Variants in HEY2 observed in about 807,000 individuals in gnomAD.
The protein encoded by HEY2 is hes related family bHLH transcription factor with YRPW motif 2, also known as hairy/enhancer-of-split related with YRPW motif protein 2.
Under a neutral mutation model 18.1 loss-of-function variants are expected in HEY2, and 10 were observed. The ratio of observed to expected loss-of-function variants is 0.55; its 90% CI spans 0.34 to 0.94. The LOEUF is 0.94. Ranked by LOEUF, HEY2 falls within the 40% of genes least tolerant of loss-of-function variation. The pLI is 0.02. For missense variants in HEY2, 455 were observed against 455.9 expected, an observed-to-expected ratio of 1.00 and a Z score of 0.02; for synonymous variants, 210 against 182.7, an observed-to-expected ratio of 1.15 and a Z score of -1.21.
At chr6:125,754,205 A>T (rs1433858954) in intron 3 of HEY2, among the ~76,000 whole-genome samples, 2 of 152,246 alleles carry the variant, frequency 1.3e-5, no homozygotes, top group African/African-American at 4.8e-5. Context: ...GAGAATAATT[A>T]TTCTTATGAT....
chr6:125,755,211 T>TA (rs1228006490), intron 4 of HEY2, among the ~76,000 whole-genome samples: 1 of 152,126 alleles, frequency 6.6e-6, no homozygotes, highest in Non-Finnish European at 1.5e-5. Flanking sequence ...GTGTCCTCTG[T>TA]ACTGGATAGT....
intron 4 of HEY2, among the ~76,000 whole-genome samples, chr6:125,756,292 G>A (rs1466543499): frequency 1.3e-5 from 2 of 152,212 alleles, no homozygotes; most frequent in African/African-American, 2.4e-5. Context: ...TGGCGGCTGG[G>A]TGTGGTGGCT....
At chr6:125,754,431 A>G in intron 3 of HEY2, 34 bp from the exon 4 acceptor site, 1 of 1,291,960 alleles carries the variant, frequency 7.7e-7, no homozygotes, top group South Asian at 1.4e-5. Context: ...TCTGTAGGAC[A>G]TAGGATTATT....
rs1773765907 is a variant in HEY2, at chr6:125,760,078, A to AC, written c.*278dup. On this transcript the variant is annotated 3_prime_UTR_variant, in exon 5 of 5. Transcript: ENST00000368364. ...TAGAAGTTTCCTGGAAAATATATGG[A>AC]CCGTACCATCCAGCAGTGCATCAGT... 1 of 472,788 alleles carries AC rather than the reference A, an allele frequency of 2.1e-6. No homozygotes were observed. Among genetic ancestry groups the AC allele is most frequent in the African/African-American group, 2.0e-5 (1 of 50,760 alleles). 29.3% of individuals were successfully genotyped at this position (472,788 alleles called of 1,614,324 possible).
chr6:125,754,453 T>G lies in HEY2; in HGVS notation c.247-12T>G, dbSNP rs1284301186. Reference sequence around the variant, plus strand: ...GACATAGGATTATTTATTTATTTATTTATTTATGAAGGGATCTGCAAAGTT... The same window carrying G: ...GACATAGGATTATTTATTTATTTATGTATTTATGAAGGGATCTGCAAAGTT... On this transcript the variant is annotated splice_polypyrimidine_tract_variant and intron_variant, in intron 3 of 4. Transcript: ENST00000368364. 1.4e-6 allele frequency: 2 copies of G among 1,441,596 alleles called. No homozygotes were observed. Among genetic ancestry groups the G allele is most frequent in the Non-Finnish European group, 1.9e-6 (2 of 1,047,698 alleles). The allele number at this position is 1,441,596 out of a possible 1,614,324, so 89.3% of individuals were successfully genotyped here. A position where few individuals can be genotyped will look rare whatever the true frequency, so the allele number is the denominator to read the frequency against.
In HEY2 at chr6:125,759,587, G is replaced by T. The variant is rs1238653841; in HGVS notation, c.799G>T (p.Ala267Ser). The T allele has an allele frequency of 6.2e-7, 1 of 1,610,036 alleles. No homozygotes were observed. The highest frequency in any genetic ancestry group is 8.5e-7 in the Non-Finnish European group (1 of 1,179,724). Residue 267 changes from alanine to serine, a missense_variant, in exon 5 of 5, where the codon GCA (alanine) becomes TCA (serine). By Grantham distance (99) the Ala-to-Ser change is moderately conservative (BLOSUM62 1). Coordinates refer to ENST00000368364, the MANE Select transcript of HEY2 (RefSeq NM_012259.3). ...LLSLSATVHA[A>S]AAAATAAAHS... ...GTCCCTCTCTGCCACCGTCCACGCC[G>T]CAGCCGCAGCAGCCACCGCGGCTGC... is the stretch of plus-strand genomic sequence containing the variant.
rs1031335142 is a variant in HEY2 at position 125,760,080 on chromosome 6, C to T, written c.*278C>T. On this transcript the variant is annotated 3_prime_UTR_variant, in exon 5 of 5. Coordinates refer to ENST00000368364, the MANE Select transcript of HEY2 (RefSeq NM_012259.3). ...GAAGTTTCCTGGAAAATATATGGAC[C>T]GTACCATCCAGCAGTGCATCAGTAT... The T allele has an allele frequency of 1.3e-5, 6 of 462,124 alleles. No individual in the cohort carries two copies. In the East Asian group the frequency reaches 2.1e-4, roughly 16 times the overall value. The allele number at this position is 462,124 out of a possible 1,614,324, so 28.6% of individuals were successfully genotyped here. A position where few individuals can be genotyped will look rare whatever the true frequency, so the allele number is the denominator to read the frequency against.
intron 1 of HEY2, chr6:125,750,254 T>G (rs1297124525): frequency 4.1e-6 from 4 of 985,140 alleles, no homozygotes; most frequent in Non-Finnish European, 4.8e-6. Context: ...GATTTTTGAT[T>G]TTTAGAGATA....
chr6:125,759,330 A>C lies in HEY2; in HGVS notation c.542A>C (p.His181Pro), dbSNP rs1313529881. ...SSMAHHHHPL[H>P]PHHWAAAFHH... Reference sequence around the variant, plus strand: ...ATGGCCCACCACCATCATCCGCTCCACCCGCATCACTGGGCCGCCGCCTTC... The same window carrying C: ...ATGGCCCACCACCATCATCCGCTCCCCCCGCATCACTGGGCCGCCGCCTTC... Residue 181 changes from histidine to proline, a missense_variant, in exon 5 of 5, where the codon CAC (histidine) becomes CCC (proline). His to Pro is a moderately conservative substitution (Grantham distance 77). Coordinates refer to ENST00000368364, the MANE Select transcript of HEY2 (RefSeq NM_012259.3). 1 of 1,604,594 alleles carries C rather than the reference A, an allele frequency of 6.2e-7. No homozygotes were observed.
Position 125,759,352 on chromosome 6 carries a change from C to A in HEY2, c.564C>A (p.Ala188=). ...HPLHPHHWAA[A]FHHLPAALLQ... The stretch of plus-strand genomic sequence containing the variant: ...TCCACCCGCATCACTGGGCCGCCGC[C>A]TTCCACCACCTGCCCGCAGCCCTGC... Residue 188 remains alanine, a synonymous_variant, in exon 5 of 5, where the codon GCC becomes GCA. Coordinates refer to ENST00000368364, the MANE Select transcript of HEY2 (RefSeq NM_012259.3). 6.2e-7 allele frequency: 1 copy of A among 1,604,880 alleles called. No homozygotes were observed. Among genetic ancestry groups the A allele is most frequent in the Non-Finnish European group, 8.5e-7 (1 of 1,177,028 alleles).
At position 125,759,367 on chromosome 6, in the gene HEY2, C is replaced by T. The variant is rs768023160; in HGVS notation, c.579C>T (p.Pro193=). The change falls in exon 5 of 5, where the codon CCC becomes CCT. Residue 193 remains proline (P), a synonymous_variant. Coordinates refer to ENST00000368364, the MANE Select transcript of HEY2 (RefSeq NM_012259.3). ...HHWAAAFHHL[P]AALLQPNGLH... is the part of the protein sequence containing the mutation. Reference sequence around the variant, plus strand: ...GGGCCGCCGCCTTCCACCACCTGCCCGCAGCCCTGCTCCAGCCCAACGGCC... The same window carrying T: ...GGGCCGCCGCCTTCCACCACCTGCCTGCAGCCCTGCTCCAGCCCAACGGCC... The T allele has an allele frequency of 4.9e-5, 78 of 1,605,754 alleles. No individual in the cohort carries two copies. Among genetic ancestry groups the T allele is most frequent in the Non-Finnish European group, 6.4e-5 (75 of 1,177,162 alleles).
chr6:125,757,089 G>A (rs539259014), intron 4 of HEY2, among the ~76,000 whole-genome samples: 3 of 152,136 alleles, frequency 2.0e-5, no homozygotes, highest in Non-Finnish European at 4.4e-5. Context: ...AGCTCTTGGG[G>A]CTCCAATTCT....
At chr6:125,758,839 T>C (rs1773719713) in intron 4 of HEY2, among the ~76,000 whole-genome samples, 2 of 152,222 alleles carry the variant, frequency 1.3e-5, no homozygotes, top group African/African-American at 4.8e-5. Flanking sequence ...TTAATTTTTT[T>C]CCCCACTGTG....
chr6:125,750,432 T>C, intron 1 of HEY2: 1 of 980,808 alleles, frequency 1.0e-6, no homozygotes, highest in Non-Finnish European at 1.2e-6. Flanking sequence ...TTCTCAAGTC[T>C]GGAAGAGATC....
chr6:125,753,718 T>C (rs971522255), intron 3 of HEY2, among the ~76,000 whole-genome samples: 3 of 152,146 alleles, frequency 2.0e-5, no homozygotes, highest in African/African-American at 7.2e-5. Flanking sequence ...CATAAAAATA[T>C]ATTTGCAAGA....
At position 125,759,664 on chromosome 6, in the gene HEY2, CGCA is replaced by C. The variant is rs1351198384; in HGVS notation, c.887_889del (p.Ala296del). ...GGGCATTCCCCATGCTTCCCCCAAA[CGCA>C]GCAGCAGCAGTGGCCGCGGCCACAG... On this transcript the variant is annotated inframe_deletion, in exon 5 of 5. Transcript: ENST00000368364. The C allele has an allele frequency of 1.9e-6, 3 of 1,611,976 alleles. No homozygotes were observed.
At chr6:125,756,755 C>T (rs941482386) in intron 4 of HEY2, among the ~76,000 whole-genome samples, 3 of 152,094 alleles carry the variant, frequency 2.0e-5, no homozygotes, top group African/African-American at 7.2e-5. Flanking sequence ...GCGAGCTGGT[C>T]CAGTTTTATC....
Position 125,759,601 on chromosome 6 carries a change from C to T in HEY2, c.813C>T (p.Ala271=), listed in dbSNP as rs1443229861. 3 of 1,610,610 alleles carry T rather than the reference C, an allele frequency of 1.9e-6. No homozygotes were observed. Among genetic ancestry groups the T allele is most frequent in the Non-Finnish European group, 2.5e-6 (3 of 1,179,788 alleles). The part of the protein sequence containing the change: ...SATVHAAAAA[A]TAAAHSFPLS... ...CCGTCCACGCCGCAGCCGCAGCAGC[C>T]ACCGCGGCTGCACACAGCTTCCCTC... The change falls in exon 5 of 5, where the codon GCC becomes GCT. Residue 271 remains alanine (A), a synonymous_variant. Transcript: ENST00000368364.
chr6:125,754,242 A>G (rs1034620862), intron 3 of HEY2, among the ~76,000 whole-genome samples: 8 of 152,192 alleles, frequency 5.3e-5, no homozygotes, highest in African/African-American at 1.9e-4. Context: ...AGTTTCTTTT[A>G]GTCTTTAAAA....
Sources: allele counts gnomAD v4.1 joint callset (sites outside exome capture counted in the v4.1 genomes callset), GRCh38; gene constraint gnomAD v4.1.1; transcripts MANE v1.5; gene names NCBI Gene and HGNC (gene_info 2026-07-23, HGNC 2026-07-21).